Variants in LIPC observed in about 807,000 individuals in gnomAD.
LIPC encodes hepatic triacylglycerol lipase.
LIPC carries 44 observed loss-of-function variants against 50.7 expected under a neutral mutation model. That is an observed-to-expected ratio of 0.87 (90% confidence interval 0.68 to 1.11). The LOEUF (loss-of-function observed/expected upper bound fraction) is 1.11. LIPC is among the 50% of genes most tolerant of loss of function. LIPC has a pLI of 0.00. For synonymous variants in LIPC, 271 were observed against 256.4 expected (o/e 1.06, Z -0.54); for missense variants, 697 against 648.2 (o/e 1.08, Z -0.82).
intron 1 of LIPC, among the ~76,000 whole-genome samples, chr15:58,451,464 G>A (rs1893896713): frequency 6.6e-6 from 1 of 152,038 alleles, no homozygotes; most frequent in Non-Finnish European, 1.5e-5. Flanking sequence ...ACACTTCAGA[G>A]TGCCAGATTC....
At chr15:58,520,433 C>T (rs189076728) in intron 1 of LIPC, among the ~76,000 whole-genome samples, 34 of 152,184 alleles carry the variant, frequency 2.2e-4, no homozygotes, top group Admixed American at 5.2e-4. Context: ...GCTCTTAAAG[C>T]GCTCAGCCCT....
chr15:58,451,311 C>G (rs1893892276), intron 1 of LIPC, among the ~76,000 whole-genome samples: 1 of 152,126 alleles, frequency 6.6e-6, no homozygotes, highest in African/African-American at 2.4e-5. Flanking sequence ...GAATAATAAT[C>G]CAAACCAAAT....
chr15:58,432,543 G>C (rs1454038847), intron 1 of LIPC, among the ~76,000 whole-genome samples: 6 of 152,198 alleles, frequency 3.9e-5, no homozygotes, highest in East Asian at 1.9e-4. Context: ...TCTCAGAAGA[G>C]AGGGGAATTT....
At chr15:58,539,378 T>C (rs1357484784) in intron 2 of LIPC, among the ~76,000 whole-genome samples, 1 of 152,202 alleles carries the variant, frequency 6.6e-6, no homozygotes, top group Non-Finnish European at 1.5e-5. Flanking sequence ...CTGAGAAGTA[T>C]AGGCTGTTAA....
chr15:58,461,733 C>T (rs1894356237), intron 1 of LIPC, among the ~76,000 whole-genome samples: 1 of 151,988 alleles, frequency 6.6e-6, no homozygotes, highest in South Asian at 2.1e-4. Flanking sequence ...TGTTCTTAAT[C>T]CCCGTGCAAC....
At chr15:58,468,475 C>T (rs1264842800) in intron 1 of LIPC, among the ~76,000 whole-genome samples, 3 of 152,068 alleles carry the variant, frequency 2.0e-5, no homozygotes, top group Admixed American at 2.0e-4. Context: ...GATGCACACC[C>T]GTTTGAGAAC....
intron 2 of LIPC, among the ~76,000 whole-genome samples, chr15:58,539,274 G>A (rs996409103): frequency 6.6e-6 from 1 of 152,190 alleles, no homozygotes; most frequent in Non-Finnish European, 1.5e-5. Flanking sequence ...CAATTCAATG[G>A]CTTTTGGTAT....
chr15:58,488,028 G>A (rs1311331985), intron 1 of LIPC, among the ~76,000 whole-genome samples: 1 of 152,214 alleles, frequency 6.6e-6, no homozygotes, highest in Non-Finnish European at 1.5e-5. Flanking sequence ...TCCAGAACTT[G>A]GGGAGGCCAA....
intron 1 of LIPC, among the ~76,000 whole-genome samples, chr15:58,488,915 G>T (rs1891470590): frequency 1.3e-5 from 2 of 152,142 alleles, no homozygotes; most frequent in African/African-American, 2.4e-5. Context: ...ATCACTAAAT[G>T]AACTTAATCT....
intron 1 of LIPC, among the ~76,000 whole-genome samples, chr15:58,499,807 G>T (rs982410653): frequency 6.6e-6 from 1 of 152,190 alleles, no homozygotes; most frequent in Non-Finnish European, 1.5e-5. Context: ...TTGGATAACA[G>T]AAGTGGTCTA....
chr15:58,481,623 C>T (rs547190427), intron 1 of LIPC, among the ~76,000 whole-genome samples: 4 of 151,914 alleles, frequency 2.6e-5, no homozygotes, highest in Non-Finnish European at 5.9e-5. Context: ...GCCAACATGG[C>T]GAAACCCCAT....
At chr15:58,469,329 G>A (rs1471121994) in intron 1 of LIPC, among the ~76,000 whole-genome samples, 5 of 152,124 alleles carry the variant, frequency 3.3e-5, no homozygotes, top group Admixed American at 3.3e-4. Flanking sequence ...GCATGTTGGA[G>A]TACTCAGAAC....
At chr15:58,460,607 T>A (rs1409185259) in intron 1 of LIPC, among the ~76,000 whole-genome samples, 2 of 152,220 alleles carry the variant, frequency 1.3e-5, no homozygotes, top group East Asian at 3.9e-4. Flanking sequence ...CAGGCTCTGA[T>A]GGGTGACATC....
chr15:58,470,843 C>T (rs1048513644), intron 1 of LIPC, among the ~76,000 whole-genome samples: 8 of 152,050 alleles, frequency 5.3e-5, no homozygotes, highest in East Asian at 1.9e-4. Context: ...CCTCGTGATC[C>T]GCCCAAGTCA....
At chr15:58,510,521 T>G (rs1200539396) in intron 1 of LIPC, among the ~76,000 whole-genome samples, 1 of 152,248 alleles carries the variant, frequency 6.6e-6, no homozygotes, top group African/African-American at 2.4e-5. Flanking sequence ...AAGTGTTTTA[T>G]GAAATGTAAT....
At chr15:58,524,849 C>T (rs1451733560) in intron 1 of LIPC, among the ~76,000 whole-genome samples, 1 of 151,996 alleles carries the variant, frequency 6.6e-6, no homozygotes, top group African/African-American at 2.4e-5. Flanking sequence ...TATTTTTTCT[C>T]ACTTTATTGT....
chr15:58,503,173 A>G (rs530739421), intron 1 of LIPC, among the ~76,000 whole-genome samples: 6 of 151,792 alleles, frequency 4.0e-5, no homozygotes, highest in Admixed American at 3.9e-4. Context: ...CCATGTCAAA[A>G]AGGGGGAAAC....
intron 1 of LIPC, among the ~76,000 whole-genome samples, chr15:58,500,170 G>A (rs1891931991): frequency 6.6e-6 from 1 of 152,132 alleles, no homozygotes; most frequent in Non-Finnish European, 1.5e-5. Context: ...GAAAGAGCAT[G>A]GGTTTGGGTA....
rs113083346 is a variant in LIPC at position 58,444,521 on chromosome 15, G to A, written c.88+12401G>A. ...AGAAATGTATTTTCTCACAGTTCTGGAAGTGAGAAGTCTGAGGTCAAGGGG... is the reference window on the plus strand; with the variant it reads ...AGAAATGTATTTTCTCACAGTTCTGAAAGTGAGAAGTCTGAGGTCAAGGGG... On this transcript the variant is annotated intron_variant, in intron 1 of 8. Transcript: ENST00000299022. Among the ~76,000 whole-genome samples the A allele has an allele frequency of 3.5e-3, 533 of 152,306 alleles. 1 individual carries two copies. The highest frequency in any genetic ancestry group is 0.012 in the African/African-American group (511 of 41,562).
Sources: gnomAD v4.1 joint callset for allele counts (sites outside exome capture counted in the v4.1 genomes callset) on GRCh38, gnomAD v4.1.1 for gene constraint, MANE v1.5 for transcripts, NCBI Gene and HGNC (gene_info 2026-07-23, HGNC 2026-07-21) for gene names.